NRP1: variants seen among roughly 807,000 people sequenced by gnomAD.
The protein encoded by NRP1 is neuropilin-1.
NRP1 carries 35 observed loss-of-function variants against 106.7 expected under a neutral mutation model. The ratio of observed to expected loss-of-function variants is 0.33; its 90% confidence interval spans 0.25 to 0.43. The LOEUF (loss-of-function observed/expected upper bound fraction) is 0.43, where lower values mean the gene tolerates loss of function less well. Ranked by LOEUF, NRP1 falls within the 20% of genes least tolerant of loss-of-function variation. The pLI is 1.00. For missense variants in NRP1, 1,024 were observed against 1,170.4 expected, an observed-to-expected ratio of 0.87 and a Z score of 1.83; for synonymous variants, 437 against 417.9, an observed-to-expected ratio of 1.05 and a Z score of -0.56.
In NRP1 at chr10:33,270,727, G is replaced by A. The variant is rs146134991; in HGVS notation, c.378C>T (p.Asp126=). 46 of 1,613,860 alleles carry A rather than the reference G, an allele frequency of 2.9e-5. No homozygotes were observed. The highest frequency in any genetic ancestry group is 3.6e-5 in the Non-Finnish European group (42 of 1,179,944). The stretch of plus-strand genomic sequence containing the variant: ...AAAATCCTGCACCATGTGTTTCGTA[G>A]TCAGAGACAAATTTGATAAAAAGAA... The part of the protein sequence containing the change: ...GPFLFIKFVS[D]YETHGAGFSI... The change falls in exon 3 of 17, where the codon GAC becomes GAT. Residue 126 remains aspartate (D), a synonymous_variant. Transcript: ENST00000374867.
In NRP1 at chr10:33,180,187, C is replaced by G. The variant is rs765662008; in HGVS notation, c.2661G>C (p.Gly887=). 1 of 1,614,130 alleles carries G rather than the reference C, an allele frequency of 6.2e-7. No homozygotes were observed. The highest frequency in any genetic ancestry group is 1.1e-5 in the South Asian group (1 of 91,078). Residue 887 remains glycine (G), a synonymous_variant, in exon 17 of 17, where the codon GGG becomes GGC. Coordinates refer to ENST00000374867, the MANE Select transcript of NRP1 (RefSeq NM_003873.7). ...GGGCAGACAAGTTTCTTTCTGACATCCCATTATGCCAACAGGCACAGTACA... is the reference window on the plus strand; with the variant it reads ...GGGCAGACAAGTTTCTTTCTGACATGCCATTATGCCAACAGGCACAGTACA... ...VVLYCACWHN[G]MSERNLSALE...
intron 2 of NRP1, among the ~76,000 whole-genome samples, chr10:33,301,089 C>T (rs1161347160): frequency 1.3e-5 from 2 of 152,288 alleles, no homozygotes; most frequent in Admixed American, 6.5e-5. Flanking sequence ...CAAATCAGGA[C>T]GTTGCCACAC....
At position 33,185,709 on chromosome 10, in the gene NRP1, C is replaced by T. The variant is rs373328655; in HGVS notation, c.2350G>A (p.Glu784Lys). The change falls in exon 15 of 17, where the codon GAA becomes AAA. Residue 784 changes from glutamate to lysine, a missense_variant. By Grantham distance (56) the Glu-to-Lys change is moderately conservative. Around this residue, in one of 5 missense-constraint regions of NRP1, gnomAD observed 13 missense variants for 34.7 expected, o/e 0.38. Transcript: ENST00000374867. ...LKLYQVIFEG[E>K]IGKGNLGGIA... ...CCACCAAGGTTTCCTTTTCCGATTT[C>T]GCCCTCGAAAATCACCTAACAAAAT... is the stretch of plus-strand genomic sequence containing the variant. 6.2e-6 allele frequency: 10 copies of T among 1,613,866 alleles called. No individual in the cohort carries two copies. The highest frequency in any genetic ancestry group is 2.2e-5 in the South Asian group (2 of 91,074).
intron 5 of NRP1, 29 bp from the exon 6 acceptor site, chr10:33,254,223 T>A (rs780889188): frequency 6.3e-7 from 1 of 1,575,528 alleles, no homozygotes; most frequent in East Asian, 2.2e-5. Flanking sequence ...CCCACAGTCA[T>A]CAAAATATAG....
rs541479713 is a variant in NRP1, at chr10:33,196,067, G to A, written c.1924+1583C>T. 2.3e-4 allele frequency among the ~76,000 whole-genome samples: 35 copies of A among 152,176 alleles called. No homozygotes were observed. The South Asian group carries it at 5.2e-3, about 23-fold the overall frequency. ...ACAAATCAAATGTGTTAACAAAACC[G>A]CTCCTGCTCTGACAATATTGACCTT... On this transcript the variant is annotated intron_variant, in intron 12 of 16. Transcript: ENST00000374867.
At chr10:33,331,072 T>C (rs1009960042) in intron 1 of NRP1, among the ~76,000 whole-genome samples, 190 bp from the exon 2 acceptor site, 13 of 152,250 alleles carry the variant, frequency 8.5e-5, no homozygotes, top group African/African-American at 2.9e-4. Context: ...CTCAGGAAGG[T>C]TGACTCAGGC....
At chr10:33,310,846 C>G (rs540727959) in intron 2 of NRP1, among the ~76,000 whole-genome samples, 2 of 151,896 alleles carry the variant, frequency 1.3e-5, no homozygotes, top group Admixed American at 1.3e-4. Context: ...ATTTTTAGAC[C>G]CCGGCTTGGG....
intron 11 of NRP1, among the ~76,000 whole-genome samples, chr10:33,199,398 T>G (rs1264376008): frequency 3.3e-5 from 3 of 91,140 alleles, no homozygotes; most frequent in Non-Finnish European, 6.5e-5. Flanking sequence ...TATTTTTTTT[T>G]TTTTTTTTTT....
intron 2 of NRP1, among the ~76,000 whole-genome samples, chr10:33,329,959 A>G (rs950844623): frequency 6.6e-6 from 1 of 152,224 alleles, no homozygotes; most frequent in Non-Finnish European, 1.5e-5. Context: ...CTGTCTCTAT[A>G]GTGAGAATGT....
rs1331475490 is a variant in NRP1, at chr10:33,330,061, T to C, written c.248+647A>G. ...ACTAAGCAGGTGGATGAAACACTGA[T>C]GTGTATTTGAGTTCCCATTGTATTC... On this transcript the variant is annotated intron_variant, in intron 2 of 16. Transcript: ENST00000374867. 2.0e-5 allele frequency among the ~76,000 whole-genome samples: 3 copies of C among 152,242 alleles called. No homozygotes were observed. The East Asian group carries it at 5.8e-4, about 29-fold the overall frequency.
At chr10:33,269,627 AG>A (rs1455801926) in intron 3 of NRP1, among the ~76,000 whole-genome samples, 3 of 152,210 alleles carry the variant, frequency 2.0e-5, no homozygotes, top group African/African-American at 7.2e-5. Context: ...GTGGTCTGTT[AG>A]GAACTTAGCC....
At chr10:33,242,082 CG>C in intron 6 of NRP1, among the ~76,000 whole-genome samples, 3 of 152,134 alleles carry the variant, frequency 2.0e-5, no homozygotes, top group Non-Finnish European at 4.4e-5. Context: ...AGTTGATAGT[CG>C]GAGCTGAATT....
At chr10:33,256,594 C>A (rs1405075861) in intron 4 of NRP1, 123 bp from the exon 5 acceptor site, 33 of 1,033,174 alleles carry the variant, frequency 3.2e-5, no homozygotes, top group Non-Finnish European at 3.9e-5. Flanking sequence ...CAAAGCAAGG[C>A]TTCCCTAAGT....
chr10:33,287,438 T>C (rs1844650268), intron 2 of NRP1, among the ~76,000 whole-genome samples: 1 of 152,242 alleles, frequency 6.6e-6, no homozygotes, highest in Non-Finnish European at 1.5e-5. Flanking sequence ...ATGTACGACA[T>C]ACATAATTTT....
intron 2 of NRP1, among the ~76,000 whole-genome samples, chr10:33,311,328 T>G (rs16934380): frequency 0.033 from 5,062 of 152,242 alleles, 304 homozygotes; most frequent in African/African-American, 0.11. Context: ...TATATGCGTC[T>G]TGTTTAGAGC....
intron 8 of NRP1, among the ~76,000 whole-genome samples, chr10:33,214,904 C>T (rs1232778393): frequency 6.6e-6 from 1 of 152,092 alleles, no homozygotes; most frequent in Non-Finnish European, 1.5e-5. Context: ...GCTTGCACAG[C>T]AATGTGACTG....
rs148330417 is a variant in NRP1 at position 33,185,696 on chromosome 10, C to T, written c.2363G>A (p.Gly788Glu). 15 of 1,614,140 alleles carry T rather than the reference C, an allele frequency of 9.3e-6. No individual in the cohort carries two copies. Among genetic ancestry groups the T allele is most frequent in the Non-Finnish European group, 1.0e-5 (12 of 1,179,998 alleles). Residue 788 changes from glycine (G) to glutamate (E), a missense_variant, in exon 15 of 17, where the codon GGA (glycine) becomes GAA (glutamate). Physicochemically the swap from Gly to Glu is moderately conservative, Grantham distance 98. Around this residue, in one of 5 missense-constraint regions of NRP1, gnomAD observed 164 missense variants for 161.4 expected, o/e 1.02. Transcript: ENST00000374867. Reference protein sequence around the residue: ...QVIFEGEIGKGNLGGIAVDDI... With the variant: ...QVIFEGEIGKENLGGIAVDDI... Reference sequence around the variant, plus strand: ...ATCCACAGCAATCCCACCAAGGTTTCCTTTTCCGATTTCGCCCTCGAAAAT... The same window carrying T: ...ATCCACAGCAATCCCACCAAGGTTTTCTTTTCCGATTTCGCCCTCGAAAAT...
chr10:33,195,994 G>A (rs2506153), intron 12 of NRP1, among the ~76,000 whole-genome samples: 13,300 of 152,090 alleles, frequency 0.087, 684 homozygotes, highest in Middle Eastern at 0.22. Flanking sequence ...TGACAGGACC[G>A]ACTGGCCCCT....
At chr10:33,215,764 C>G (rs1467301391) in intron 8 of NRP1, among the ~76,000 whole-genome samples, 2 of 152,176 alleles carry the variant, frequency 1.3e-5, no homozygotes, top group African/African-American at 4.8e-5. Flanking sequence ...GTTCTATGGT[C>G]CAGATCATGT....
Sources: allele counts gnomAD v4.1 joint callset (sites outside exome capture counted in the v4.1 genomes callset), GRCh38; gene constraint gnomAD v4.1.1; regional missense constraint gnomAD v4.1.1; transcripts MANE v1.5; gene names NCBI Gene and HGNC (gene_info 2026-07-23, HGNC 2026-07-21).